The following LRP1B variants were observed in gnomAD, a reference collection of about 807,000 sequenced individuals.
The protein encoded by LRP1B is LDL receptor related protein 1B.
In LRP1B, 217 loss-of-function variants were observed where a neutral mutation model predicts 556.6. That is an observed-to-expected ratio of 0.39 (90% CI 0.35 to 0.44). The LOEUF (loss-of-function observed/expected upper bound fraction) is 0.44, where lower values mean the gene tolerates loss of function less well. Among genes scored for constraint, LRP1B ranks in the 20% least tolerant of loss-of-function variants. LRP1B has a pLI of 1.00. For missense variants in LRP1B, 5,053 were observed against 5,620.8 expected, an observed-to-expected ratio of 0.90 and a Z score of 3.23; for synonymous variants, 2,047 against 1,865.8, an observed-to-expected ratio of 1.10 and a Z score of -2.50.
chr2:140,602,459 C>T (rs1208403127), intron 41 of LRP1B, among the ~76,000 whole-genome samples: 3 of 152,056 alleles, frequency 2.0e-5, no homozygotes, highest in African/African-American at 4.8e-5. Flanking sequence ...ATGTTATTTG[C>T]TTTACTCAGA....
At chr2:140,699,481 A>G (rs1397789729) in intron 41 of LRP1B, among the ~76,000 whole-genome samples, 4 of 151,906 alleles carry the variant, frequency 2.6e-5, no homozygotes, top group Non-Finnish European at 5.9e-5. Context: ...TGAACACTCT[A>G]CAACAAATTT....
At chr2:140,499,516 A>G (rs1689091608) in intron 55 of LRP1B, among the ~76,000 whole-genome samples, 1 of 151,776 alleles carries the variant, frequency 6.6e-6, no homozygotes, top group East Asian at 1.9e-4. Context: ...CTGTTAGGTG[A>G]TTTGTCATTG....
intron 7 of LRP1B, among the ~76,000 whole-genome samples, chr2:141,080,880 C>T (rs937366798): frequency 2.0e-5 from 3 of 152,198 alleles, no homozygotes; most frequent in Non-Finnish European, 2.9e-5. Flanking sequence ...CCATCCTGCT[C>T]TTACCTGCCT....
chr2:140,693,871 C>T (rs1347521844), intron 41 of LRP1B, among the ~76,000 whole-genome samples: 4 of 152,016 alleles, frequency 2.6e-5, no homozygotes, highest in Non-Finnish European at 4.4e-5. Flanking sequence ...ACATGCCCAG[C>T]TAATTTTTGT....
intron 32 of LRP1B, among the ~76,000 whole-genome samples, chr2:140,778,601 G>C (rs553075394): frequency 7.9e-5 from 12 of 152,104 alleles, no homozygotes; most frequent in Non-Finnish European, 1.5e-4. Context: ...ATCATGCATA[G>C]TAAATGATTA....
At chr2:140,479,483 A>G (rs1057502391) in intron 59 of LRP1B, among the ~76,000 whole-genome samples, 2 of 152,178 alleles carry the variant, frequency 1.3e-5, no homozygotes, top group African/African-American at 4.8e-5. Flanking sequence ...AGCACATAAA[A>G]GAATGTCTGC....
In LRP1B at chr2:140,541,766, T is replaced by C. The variant is rs945374522; in HGVS notation, c.7387+13A>G. 3.1e-6 allele frequency: 5 copies of C among 1,593,726 alleles called. No homozygotes were observed. The highest frequency in any genetic ancestry group is 2.3e-5 in the South Asian group (2 of 88,850). ...ACAATGAAAAAACACATTTGCTTTCTATTATAACTTACAGCTATTGGTGTC... is the reference window on the plus strand; with the variant it reads ...ACAATGAAAAAACACATTTGCTTTCCATTATAACTTACAGCTATTGGTGTC... On this transcript the variant is annotated intron_variant, in intron 44 of 90. Coordinates refer to ENST00000389484, the MANE Select transcript of LRP1B (RefSeq NM_018557.3).
chr2:140,352,270 G>A (rs1283232230), intron 76 of LRP1B, among the ~76,000 whole-genome samples: 2 of 152,044 alleles, frequency 1.3e-5, no homozygotes, highest in African/African-American at 4.8e-5. Flanking sequence ...CTGCCTCCTG[G>A]GTTGAAGCGA....
rs187783434 is a variant in LRP1B at position 140,404,414 on chromosome 2, C to T, written c.10415-18405G>A. On this transcript the variant is annotated intron_variant, in intron 66 of 90. Coordinates refer to ENST00000389484, the MANE Select transcript of LRP1B (RefSeq NM_018557.3). ...GTCTCGATCTCCTGACCTCATGATCCGCCCACTTCGGCCTCCCAATGTGCT... is the reference window on the plus strand; with the variant it reads ...GTCTCGATCTCCTGACCTCATGATCTGCCCACTTCGGCCTCCCAATGTGCT... Among the ~76,000 whole-genome samples, 697 of 151,878 alleles carry T rather than the reference C, an allele frequency of 4.6e-3. 7 individuals are homozygous for T. Among genetic ancestry groups the T allele is most frequent in the African/African-American group, 0.016 (645 of 41,438 alleles).
At chr2:141,283,994 A>G in intron 3 of LRP1B, among the ~76,000 whole-genome samples, 1 of 152,210 alleles carries the variant, frequency 6.6e-6, no homozygotes. Context: ...CTGAGAATTA[A>G]GCAGGAGGTG....
chr2:141,653,167 T>C (rs1004428738), intron 2 of LRP1B, among the ~76,000 whole-genome samples: 13 of 152,172 alleles, frequency 8.5e-5, no homozygotes, highest in African/African-American at 3.1e-4. Flanking sequence ...CTATTAGTTA[T>C]TGTTCTGAGA....
At chr2:142,113,488 C>CAAA (rs34361933) in intron 1 of LRP1B, among the ~76,000 whole-genome samples, 61,467 of 146,294 alleles carry the variant, frequency 0.42, 14,239 homozygotes, top group East Asian at 0.67. Context: ...ACAGTTGCCA[C>CAAA]AAAAAAAAAA....
At chr2:140,656,869 T>C (rs1312622386) in intron 41 of LRP1B, among the ~76,000 whole-genome samples, 2 of 152,094 alleles carry the variant, frequency 1.3e-5, no homozygotes, top group Non-Finnish European at 2.9e-5. Context: ...TTGAGAGAAA[T>C]GGCAAACTAA....
In LRP1B at chr2:142,108,976, C is replaced by A. The variant is rs538004190; in HGVS notation, c.82+21672G>T. Among the ~76,000 whole-genome samples the A allele has an allele frequency of 4.1e-4, 63 of 152,232 alleles. 1 individual carries two copies. The highest frequency in any genetic ancestry group is 7.1e-4 in the Non-Finnish European group (48 of 68,022). ...AGTCAGATCACTTGTATATTTTGCC[C>A]AACTGACGTCAGGTAAAGACAACTG... On this transcript the variant is annotated intron_variant, in intron 1 of 90. Transcript: ENST00000389484.
rs745340239 is a variant in LRP1B at position 140,314,951 on chromosome 2, G to T, written c.12789C>A (p.Cys4263Ter). Residue 4263 changes from cysteine (C) to a stop codon, truncating the protein, a stop_gained, in exon 83 of 91, where the codon TGC (cysteine) becomes TGA (stop). Coordinates refer to ENST00000389484, the MANE Select transcript of LRP1B (RefSeq NM_018557.3). LOFTEE classifies it high-confidence loss of function. ...AATATTTACCTAGAACTGATGGTACGCAAGTTCCTCCATTCTGGCAGTAGT... is the reference window on the plus strand; with the variant it reads ...AATATTTACCTAGAACTGATGGTACTCAAGTTCCTCCATTCTGGCAGTAGT... ...CSNYCQNGGTCVPSVLGRPTC... is the reference protein window; with the variant it reads ...CSNYCQNGGT 6.2e-7 allele frequency: 1 copy of T among 1,604,302 alleles called. No homozygotes were observed. Among genetic ancestry groups the T allele is most frequent in the Non-Finnish European group, 8.5e-7 (1 of 1,175,048 alleles).
chr2:141,296,049 G>A (rs1007824048), intron 3 of LRP1B, among the ~76,000 whole-genome samples: 2 of 152,040 alleles, frequency 1.3e-5, no homozygotes, highest in African/African-American at 2.4e-5. Context: ...ACAAGTATAA[G>A]GTAGTAATTA....
At chr2:141,523,664 T>C (rs747374781) in intron 2 of LRP1B, among the ~76,000 whole-genome samples, 5 of 152,156 alleles carry the variant, frequency 3.3e-5, no homozygotes, top group African/African-American at 9.7e-5. Flanking sequence ...AATTATTACA[T>C]ACTTAAAAAT....
intron 1 of LRP1B, among the ~76,000 whole-genome samples, chr2:141,870,829 T>C (rs1260487693): frequency 6.6e-6 from 1 of 152,026 alleles, no homozygotes; most frequent in Admixed American, 6.6e-5. Context: ...TTCTTCCTAA[T>C]AAATTGCTTT....
chr2:141,573,381 G>A (rs77059853), intron 2 of LRP1B, among the ~76,000 whole-genome samples: 3,871 of 152,154 alleles, frequency 0.025, 155 homozygotes, highest in African/African-American at 0.089. Flanking sequence ...AAATCAAGAA[G>A]TTCCTTGAAA....
Sources: gnomAD v4.1 joint callset for allele counts (sites outside exome capture counted in the v4.1 genomes callset) on GRCh38, gnomAD v4.1.1 for gene constraint, MANE v1.5 for transcripts, NCBI Gene and HGNC (gene_info 2026-07-23, HGNC 2026-07-21) for gene names.